TEX11: variants seen among roughly 807,000 people sequenced by gnomAD.
TEX11 encodes the protein testis expressed 11, also known as testis-expressed protein 11.
A neutral mutation model predicts 84.4 loss-of-function variants in TEX11; 7 were observed. The ratio of observed to expected loss-of-function variants is 0.08; its 90% CI spans 0.05 to 0.16. The LOEUF (loss-of-function observed/expected upper bound fraction) is 0.16. TEX11 is among the 10% of genes least tolerant of loss of function. The pLI, the probability that TEX11 is intolerant of heterozygous loss-of-function variation, is 1.00. For synonymous variants in TEX11, 264 were observed against 222.8 expected, an observed-to-expected ratio of 1.18 and a Z score of -1.64; for missense variants, 551 against 660.5, an observed-to-expected ratio of 0.83 and a Z score of 1.82.
chrX:70,827,843 G>C (rs1262445381), intron 8 of TEX11, among the ~76,000 whole-genome samples: 3 of 112,028 alleles, frequency 2.7e-5, no homozygotes, highest in Admixed American at 9.5e-5. Flanking sequence ...CCTTGGGCAA[G>C]GTCCAGTGCT....
Position 70,665,681 on chromosome X carries a change from C to A in TEX11, c.1380+4696G>T, listed in dbSNP as rs1255386331. Among the ~76,000 whole-genome samples the A allele has an allele frequency of 7.1e-5, 8 of 111,921 alleles. No homozygotes were observed. In the East Asian group the frequency reaches 1.7e-3, roughly 23 times the overall value. On this transcript the variant is annotated intron_variant, in intron 16 of 29. Coordinates refer to ENST00000374333, the MANE Select transcript of TEX11 (RefSeq NM_031276.3). Reference sequence around the variant, plus strand: ...AGTGTGCGAGCTAATGAATCTGTAACCTAATCTACTAAAAAGTTCAAGGGA... The same window carrying A: ...AGTGTGCGAGCTAATGAATCTGTAAACTAATCTACTAAAAAGTTCAAGGGA...
At chrX:70,841,186 A>C (rs1456556716) in intron 7 of TEX11, among the ~76,000 whole-genome samples, 14 of 110,889 alleles carry the variant, frequency 1.3e-4, no homozygotes, top group African/African-American at 4.3e-4. Flanking sequence ...CATTCTTTTC[A>C]GCACCACACC....
intron 9 of TEX11, among the ~76,000 whole-genome samples, chrX:70,764,390 TAAAC>T (rs1298577444): frequency 3.6e-5 from 4 of 111,132 alleles, no homozygotes; most frequent in African/African-American, 9.8e-5. Context: ...AATTTTCAAA[TAAAC>T]AACCTAACAA....
At chrX:70,729,769 G>A (rs981365646) in intron 11 of TEX11, among the ~76,000 whole-genome samples, 1 of 111,555 alleles carries the variant, frequency 9.0e-6, no homozygotes, top group Non-Finnish European at 1.9e-5. Flanking sequence ...CCCCAATCTA[G>A]CAAGGCAGGC....
At chrX:70,558,962 C>T (rs149188017) in intron 25 of TEX11, among the ~76,000 whole-genome samples, 129 of 111,922 alleles carry the variant, frequency 1.2e-3, no homozygotes, top group African/African-American at 4.1e-3. Flanking sequence ...TCATACATTG[C>T]TGGTGGAAAT....
chrX:70,746,977 C>G (rs1332805330), intron 9 of TEX11, among the ~76,000 whole-genome samples: 1 of 112,000 alleles, frequency 8.9e-6, no homozygotes, highest in African/African-American at 3.2e-5. Flanking sequence ...GCCTCATTGG[C>G]TCAAGGGGCT....
chrX:70,845,625 C>T (rs747868171), intron 7 of TEX11, among the ~76,000 whole-genome samples: 166 of 110,053 alleles, frequency 1.5e-3, no homozygotes, highest in African/African-American at 5.4e-3. Flanking sequence ...GTCAGGAGTT[C>T]GAGACCCGCC....
At chrX:70,889,615 AAAC>A (rs1338678149) in intron 2 of TEX11, among the ~76,000 whole-genome samples, 1 of 111,848 alleles carries the variant, frequency 8.9e-6, no homozygotes, top group African/African-American at 3.2e-5. Flanking sequence ...ATATAAATAA[AAAC>A]AACAAAAAAG....
intron 13 of TEX11, among the ~76,000 whole-genome samples, chrX:70,712,205 G>T (rs971805504): frequency 2.7e-5 from 3 of 111,671 alleles, no homozygotes; most frequent in Non-Finnish European, 5.6e-5. Context: ...TTGTAGTATA[G>T]TTTGAAGTCA....
intron 16 of TEX11, among the ~76,000 whole-genome samples, chrX:70,655,946 C>G (rs769250748): frequency 9.0e-6 from 1 of 110,922 alleles, no homozygotes; most frequent in South Asian, 3.8e-4. Context: ...CACTTTAATT[C>G]AACATAGTGG....
intron 17 of TEX11, 134 bp from the exon 18 acceptor site, chrX:70,629,869 T>C (rs2089489821): frequency 5.8e-6 from 3 of 521,198 alleles, no homozygotes; most frequent in East Asian, 8.3e-5. Flanking sequence ...CATAAAGTAA[T>C]GTGAGTTGCT....
At chrX:70,524,716 C>T (rs1395519305), downstream of TEX11, among the ~76,000 whole-genome samples, 2 of 112,205 alleles carry the variant, frequency 1.8e-5, no homozygotes, top group Non-Finnish European at 3.8e-5. Flanking sequence ...TAGGCATGCG[C>T]CACCACGTCC....
At chrX:70,616,110 T>C (rs1356977959) in intron 20 of TEX11, among the ~76,000 whole-genome samples, 2 of 110,966 alleles carry the variant, frequency 1.8e-5, no homozygotes, top group African/African-American at 6.5e-5. Context: ...ACTAGTAATA[T>C]ATAAATACAC....
chrX:70,515,827 A>G, the TEX11 span, among the ~76,000 whole-genome samples: 1 of 112,335 alleles, frequency 8.9e-6, no homozygotes, highest in South Asian at 3.7e-4. Flanking sequence ...CTGGAGTGAG[A>G]TAGTATCTCA....
intron 7 of TEX11, among the ~76,000 whole-genome samples, chrX:70,845,766 T>G (rs965847121): frequency 5.4e-5 from 6 of 111,232 alleles, no homozygotes; most frequent in Non-Finnish European, 1.1e-4. Flanking sequence ...AGGTGGAGTT[T>G]GCAGTGAGCC....
In TEX11 at chrX:70,605,525, G is replaced by C. The variant is rs2089186427; in HGVS notation, c.1951-8C>G. 1 of 1,108,580 alleles carries C rather than the reference G, an allele frequency of 9.0e-7. No homozygotes were observed. Among genetic ancestry groups the C allele is most frequent in the African/African-American group, 1.8e-5 (1 of 55,224 alleles). The allele number at this position is 1,108,580 out of a possible 1,213,427, so 91.4% of individuals were successfully genotyped here. A position where few individuals can be genotyped will look rare whatever the true frequency, so the allele number is the denominator to read the frequency against. The stretch of plus-strand genomic sequence containing the variant: ...AGGACAAAACTGGGACATCTGATAA[G>C]AAGTAACCAGAACATCAATGAATAG... On this transcript the variant is annotated splice_polypyrimidine_tract_variant and splice_region_variant and intron_variant, in intron 23 of 29. Coordinates refer to ENST00000374333, the MANE Select transcript of TEX11 (RefSeq NM_031276.3).
chrX:70,904,786 G>A (rs1350357659), intron 2 of TEX11, among the ~76,000 whole-genome samples: 2 of 111,772 alleles, frequency 1.8e-5, no homozygotes, highest in Non-Finnish European at 3.8e-5. Context: ...CAAAGACTTT[G>A]TACCAAAAAA....
At chrX:70,633,426 A>G (rs1244812445) in intron 17 of TEX11, among the ~76,000 whole-genome samples, 3 of 111,949 alleles carry the variant, frequency 2.7e-5, no homozygotes, top group African/African-American at 9.7e-5. Context: ...ACCTACAGCT[A>G]ACATACTTAC....
At chrX:70,743,383 G>T (rs2090746135) in intron 10 of TEX11, among the ~76,000 whole-genome samples, 1 of 111,912 alleles carries the variant, frequency 8.9e-6, no homozygotes, top group African/African-American at 3.2e-5. Flanking sequence ...GTTACATTTT[G>T]ATTAATATGC....
Sources: allele counts gnomAD v4.1 joint callset (sites outside exome capture counted in the v4.1 genomes callset), GRCh38; gene constraint gnomAD v4.1.1; transcripts MANE v1.5; gene names NCBI Gene and HGNC (gene_info 2026-07-23, HGNC 2026-07-21).